Variants in SCHIP1 observed in about 807,000 individuals in gnomAD.
The protein encoded by SCHIP1 is schwannomin-interacting protein 1.
Under a neutral mutation model 29.7 loss-of-function variants are expected in SCHIP1, and 8 were observed. The observed-to-expected ratio is 0.27, with a 90% confidence interval of 0.16 to 0.49. SCHIP1 has a LOEUF of 0.49. Ranked by LOEUF, SCHIP1 falls within the 20% of genes least tolerant of loss-of-function variation. SCHIP1 has a pLI of 0.99. For missense variants in SCHIP1, 193 were observed against 294.6 expected, an observed-to-expected ratio of 0.66 and a Z score of 2.52; for synonymous variants, 76 against 94.9, an observed-to-expected ratio of 0.80 and a Z score of 1.16.
chr3:159,560,848 T>G, the SCHIP1 span, among the ~76,000 whole-genome samples: 1 of 152,214 alleles, frequency 6.6e-6, no homozygotes, highest in Non-Finnish European at 1.5e-5. Flanking sequence ...CAGATGGAAG[T>G]AGAATTCAGT....
At chr3:159,573,055 C>T in the SCHIP1 span, among the ~76,000 whole-genome samples, 9 of 151,866 alleles carry the variant, frequency 5.9e-5, no homozygotes, top group Non-Finnish European at 1.3e-4. Flanking sequence ...ATGGTCTTGA[C>T]TCTTTATCCA....
the SCHIP1 span, among the ~76,000 whole-genome samples, chr3:159,694,214 G>A: frequency 1.3e-3 from 194 of 149,458 alleles, no homozygotes; most frequent in African/African-American, 4.8e-3. Context: ...GGCCAGGTGC[G>A]GTGGCTCATG....
At chr3:159,346,259 C>G in the SCHIP1 span, among the ~76,000 whole-genome samples, 1 of 146,048 alleles carries the variant, frequency 6.8e-6, no homozygotes, top group Non-Finnish European at 1.5e-5. Flanking sequence ...GGAATAAGCA[C>G]CCTTTCAGGT....
chr3:159,346,268 GT>G, the SCHIP1 span, among the ~76,000 whole-genome samples: 1,249 of 133,260 alleles, frequency 9.4e-3, 24 homozygotes, highest in African/African-American at 0.033. Context: ...ACCCTTTCAG[GT>G]TTTTTTTTTC....
chr3:159,339,987 G>T, the SCHIP1 span, among the ~76,000 whole-genome samples: 1 of 151,930 alleles, frequency 6.6e-6, no homozygotes, highest in African/African-American at 2.4e-5. Flanking sequence ...AGAATTATTA[G>T]AATAATTCTA....
the SCHIP1 span, among the ~76,000 whole-genome samples, chr3:159,628,458 C>T: frequency 2.6e-5 from 4 of 152,142 alleles, no homozygotes; most frequent in South Asian, 6.2e-4. Flanking sequence ...TGGAAGCTGA[C>T]GTACAAGTGA....
chr3:159,657,441 A>G, the SCHIP1 span, among the ~76,000 whole-genome samples: 1 of 152,242 alleles, frequency 6.6e-6, no homozygotes, highest in East Asian at 1.9e-4. Context: ...ACAGGCTTGT[A>G]GTGAAGGCTG....
At chr3:159,510,732 A>T in the SCHIP1 span, among the ~76,000 whole-genome samples, 1 of 152,106 alleles carries the variant, frequency 6.6e-6, no homozygotes, top group Non-Finnish European at 1.5e-5. Context: ...CTGGAGGTCC[A>T]CTCCAGACCC....
At chr3:159,740,790 A>AAAAAAAC in the SCHIP1 span, among the ~76,000 whole-genome samples, 1 of 151,060 alleles carries the variant, frequency 6.6e-6, no homozygotes, top group Non-Finnish European at 1.5e-5. Context: ...AAAAAAAAAA[A>AAAAAAAC]AGACCAAATG....
the SCHIP1 span, among the ~76,000 whole-genome samples, chr3:159,684,387 G>A: frequency 6.6e-6 from 1 of 152,112 alleles, no homozygotes; most frequent in African/African-American, 2.4e-5. Context: ...TTCTCACTGT[G>A]GCCAGGTGTA....
the SCHIP1 span, among the ~76,000 whole-genome samples, chr3:159,619,976 T>A: frequency 6.6e-6 from 1 of 152,194 alleles, no homozygotes; most frequent in East Asian, 1.9e-4. Context: ...AAATTTACCT[T>A]CATAACAACA....
At chr3:159,655,138 AACTT>A in the SCHIP1 span, among the ~76,000 whole-genome samples, 2 of 152,152 alleles carry the variant, frequency 1.3e-5, no homozygotes, top group South Asian at 4.1e-4. Flanking sequence ...GAATTCTCTA[AACTT>A]ACTTCATAGG....
At chr3:159,828,374 TAC>T in the SCHIP1 span, among the ~76,000 whole-genome samples, 6,419 of 94,702 alleles carry the variant, frequency 0.068, 449 homozygotes, top group Non-Finnish European at 0.083. Context: ...TATATATATA[TAC>T]ATATATATAT....
At chr3:159,592,264 G>A in the SCHIP1 span, among the ~76,000 whole-genome samples, 19 of 152,104 alleles carry the variant, frequency 1.2e-4, no homozygotes, top group Non-Finnish European at 2.5e-4. Context: ...CCAAGGTGTT[G>A]TGCTGCCAAG....
the SCHIP1 span, among the ~76,000 whole-genome samples, chr3:159,361,704 A>G: frequency 6.6e-6 from 1 of 152,240 alleles, no homozygotes. Context: ...GGTACAGACC[A>G]TGCTATTCAC....
At chr3:159,754,825 G>A in the SCHIP1 span, among the ~76,000 whole-genome samples, 1 of 152,228 alleles carries the variant, frequency 6.6e-6, no homozygotes, top group Non-Finnish European at 1.5e-5. Context: ...TCCAAGTGGT[G>A]ATCTAGGGAT....
chr3:159,320,049 G>A, the SCHIP1 span, among the ~76,000 whole-genome samples: 1 of 152,188 alleles, frequency 6.6e-6, no homozygotes, highest in African/African-American at 2.4e-5. Context: ...AGGTGATCGG[G>A]TCACGAAGAC....
At chr3:159,595,971 G>T in the SCHIP1 span, among the ~76,000 whole-genome samples, 2 of 152,094 alleles carry the variant, frequency 1.3e-5, no homozygotes, top group Non-Finnish European at 2.9e-5. Context: ...TTAAACTAAA[G>T]AGCTTCTGCA....
the SCHIP1 span, among the ~76,000 whole-genome samples, chr3:159,502,581 G>T: frequency 1.3e-5 from 2 of 152,048 alleles, no homozygotes; most frequent in Admixed American, 1.3e-4. Context: ...CCATGTTGGT[G>T]TGCTGCACCC....
Sources: gnomAD v4.1 joint callset for allele counts (sites outside exome capture counted in the v4.1 genomes callset) on GRCh38, gnomAD v4.1.1 for gene constraint, MANE v1.5 for transcripts, NCBI Gene and HGNC (gene_info 2026-07-23, HGNC 2026-07-21) for gene names.